ALPK1: variants seen among roughly 807,000 people sequenced by gnomAD.
ALPK1 encodes the protein alpha kinase 1, also known as alpha-protein kinase 1.
ALPK1 carries 110 observed loss-of-function variants against 120.6 expected under a neutral mutation model. That is an observed-to-expected ratio of 0.91 (90% CI 0.78 to 1.07). ALPK1 has a LOEUF of 1.07. Ranked by LOEUF, ALPK1 falls within the 50% of genes least tolerant of loss-of-function variation. ALPK1 has a pLI of 0.00. For synonymous variants in ALPK1, 582 were observed against 560.3 expected, an observed-to-expected ratio of 1.04 and a Z score of -0.55; for missense variants, 1,498 against 1,483.9, an observed-to-expected ratio of 1.01 and a Z score of -0.16.
At position 112,304,594 on chromosome 4, in the gene ALPK1, G is replaced by A. The variant is rs1560628500; in HGVS notation, c.-153+7125G>A. Among the ~76,000 whole-genome samples the A allele has an allele frequency of 3.9e-5, 6 of 152,152 alleles. No individual in the cohort carries two copies. In the South Asian group the frequency reaches 1.2e-3, roughly 32 times the overall value. On this transcript the variant is annotated intron_variant, in intron 1 of 15. Coordinates refer to ENST00000650871, the MANE Select transcript of ALPK1 (RefSeq NM_025144.4). ...TATCCTTCACCCACTTTTTGATGGG[G>A]TTGTTTGTTTTTTTCTTGTAAGTTT...
chr4:112,387,328 T>A (rs964531), intron 4 of ALPK1, among the ~76,000 whole-genome samples: 1 of 152,008 alleles, frequency 6.6e-6, no homozygotes, highest in Non-Finnish European at 1.5e-5. Flanking sequence ...GGGAGCAGAT[T>A]GGGCTGCAAG....
chr4:112,429,839 C>CAAAAAAAAAAAA (rs756983786), intron 10 of ALPK1, among the ~76,000 whole-genome samples: 1 of 40,096 alleles, frequency 2.5e-5, no homozygotes, highest in Admixed American at 2.9e-4. Context: ...GACCCTACCT[C>CAAAAAAAAAAAA]AAAAAAAAAA....
At chr4:112,372,585 A>C (rs1276658837) in intron 2 of ALPK1, among the ~76,000 whole-genome samples, 1 of 152,176 alleles carries the variant, frequency 6.6e-6, no homozygotes, top group Non-Finnish European at 1.5e-5. Context: ...AGAATGGTTA[A>C]ATCAAACTAA....
At chr4:112,374,661 A>C (rs1233722605) in intron 2 of ALPK1, among the ~76,000 whole-genome samples, 11 of 152,234 alleles carry the variant, frequency 7.2e-5, no homozygotes, top group Non-Finnish European at 1.6e-4. Flanking sequence ...TTCTTCTAAG[A>C]CTTAAAAGTT....
intron 4 of ALPK1, among the ~76,000 whole-genome samples, chr4:112,407,378 T>G (rs1052634250): frequency 6.6e-6 from 1 of 151,982 alleles, no homozygotes; most frequent in Admixed American, 6.6e-5. Context: ...ACTCAGAAAC[T>G]GAGGTGGGAG....
chr4:112,303,285 C>A (rs117392174), intron 1 of ALPK1, among the ~76,000 whole-genome samples: 2 of 152,174 alleles, frequency 1.3e-5, no homozygotes, highest in East Asian at 3.8e-4. Flanking sequence ...TGCCTACTTA[C>A]CATTTCTACT....
intron 5 of ALPK1, among the ~76,000 whole-genome samples, chr4:112,418,301 C>T (rs886331740): frequency 5.3e-5 from 8 of 152,302 alleles, no homozygotes; most frequent in East Asian, 1.9e-4. Flanking sequence ...CACGGGGAGG[C>T]GCTGTGTCTT....
At chr4:112,368,957 A>C (rs957682673) in intron 2 of ALPK1, among the ~76,000 whole-genome samples, 6 of 152,180 alleles carry the variant, frequency 3.9e-5, no homozygotes, top group African/African-American at 1.2e-4. Flanking sequence ...TTAAGTTCAC[A>C]GTTTGGCAAA....
At chr4:112,427,528 T>C (rs377436691) in intron 8 of ALPK1, 42 bp from the exon 9 acceptor site, 6 of 1,434,602 alleles carry the variant, frequency 4.2e-6, no homozygotes, top group Non-Finnish European at 5.9e-6. Context: ...AGTAATCCAC[T>C]GTGAATTCCC....
chr4:112,333,724 A>C (rs532681879), intron 2 of ALPK1, among the ~76,000 whole-genome samples: 2 of 152,226 alleles, frequency 1.3e-5, no homozygotes, highest in Non-Finnish European at 2.9e-5. Flanking sequence ...CACATATTCC[A>C]CTAGTTTCTG....
At chr4:112,303,695 A>G (rs1377900029) in intron 1 of ALPK1, among the ~76,000 whole-genome samples, 1 of 149,864 alleles carries the variant, frequency 6.7e-6, no homozygotes, top group African/African-American at 2.5e-5. Flanking sequence ...TCTCCCAGCG[A>G]CATGCTTCCC....
chr4:112,431,651 A>C lies in ALPK1; in HGVS notation c.2104A>C (p.Arg702=). The C allele has an allele frequency of 6.2e-7, 1 of 1,614,242 alleles. No individual in the cohort carries two copies. Among genetic ancestry groups the C allele is most frequent in the Non-Finnish European group, 8.5e-7 (1 of 1,180,036 alleles). The change falls in exon 11 of 16, where the codon AGA becomes CGA. Residue 702 remains arginine, a synonymous_variant. Coordinates refer to ENST00000650871, the MANE Select transcript of ALPK1 (RefSeq NM_025144.4). ...EGAPEGIQEV[R]NMGPRNTSAH... ...AGCTCCAGAAGGTATCCAGGAAGTC[A>C]GAAATATGGGACCCAGAAATACTTC...
intron 4 of ALPK1, among the ~76,000 whole-genome samples, chr4:112,408,569 G>C (rs1476565753): frequency 6.6e-6 from 1 of 151,976 alleles, no homozygotes; most frequent in East Asian, 1.9e-4. Flanking sequence ...CTCCTCCTGG[G>C]TTTAAGTGAT....
intron 5 of ALPK1, among the ~76,000 whole-genome samples, chr4:112,420,649 C>T (rs139766134): frequency 2.2e-4 from 33 of 152,232 alleles, no homozygotes; most frequent in African/African-American, 7.0e-4. Flanking sequence ...TCAGCAGTCA[C>T]GGTTCATATT....
intron 1 of ALPK1, among the ~76,000 whole-genome samples, chr4:112,299,841 A>G (rs1237916888): frequency 6.6e-6 from 1 of 152,194 alleles, no homozygotes; most frequent in African/African-American, 2.4e-5. Flanking sequence ...ACTTTTTCAA[A>G]TAAGAGTGAT....
intron 2 of ALPK1, chr4:112,358,460 A>T (rs1730751921): frequency 1.5e-6 from 1 of 659,544 alleles, no homozygotes. Context: ...GAAAGCTAAG[A>T]GTCTCGACCT....
At chr4:112,413,706 G>T (rs1008664130) in intron 5 of ALPK1, among the ~76,000 whole-genome samples, 28 of 152,180 alleles carry the variant, frequency 1.8e-4, no homozygotes, top group African/African-American at 6.3e-4. Flanking sequence ...GGTGCAAGCT[G>T]CCATGCCTGA....
intron 1 of ALPK1, among the ~76,000 whole-genome samples, chr4:112,307,439 A>G (rs1329388978): frequency 6.6e-6 from 1 of 152,014 alleles, no homozygotes; most frequent in Non-Finnish European, 1.5e-5. Flanking sequence ...GTGCTCCTGT[A>G]TTGAGTGCAT....
chr4:112,417,240 A>G (rs1213484764), intron 5 of ALPK1, among the ~76,000 whole-genome samples: 1 of 152,182 alleles, frequency 6.6e-6, no homozygotes, highest in Non-Finnish European at 1.5e-5. Flanking sequence ...CATTTTTCTA[A>G]GAAGAAAATT....
Sources: allele counts gnomAD v4.1 joint callset (sites outside exome capture counted in the v4.1 genomes callset), GRCh38; gene constraint gnomAD v4.1.1; transcripts MANE v1.5; gene names NCBI Gene and HGNC (gene_info 2026-07-23, HGNC 2026-07-21).